The following PRELID2 variants were observed in gnomAD, a reference collection of about 807,000 sequenced individuals.
PRELID2 encodes PRELI domain-containing protein 2.
A neutral mutation model predicts 28.4 loss-of-function variants in PRELID2; 25 were observed. That is an observed-to-expected ratio of 0.88 (90% CI 0.64 to 1.23). The LOEUF is 1.23. Ranked by LOEUF, PRELID2 falls within the 50% of genes most tolerant of loss-of-function variation. The probability of loss-of-function intolerance (pLI) is 0.00; values close to 1 mark genes in which losing one functional copy is unlikely to be tolerated. For missense variants in PRELID2, 201 were observed against 214.4 expected, an observed-to-expected ratio of 0.94 and a Z score of 0.39; for synonymous variants, 76 against 71.6, an observed-to-expected ratio of 1.06 and a Z score of -0.31.
chr5:145,792,952 T>C (rs1241473697), intron 5 of PRELID2, among the ~76,000 whole-genome samples: 12 of 152,230 alleles, frequency 7.9e-5, no homozygotes, highest in Non-Finnish European at 5.9e-5. Context: ...TGATTTGTGC[T>C]GGGTCACAAA....
intron 1 of PRELID2, among the ~76,000 whole-genome samples, chr5:145,615,954 ATT>A (rs1753692666): frequency 6.6e-6 from 1 of 152,192 alleles, no homozygotes; most frequent in African/African-American, 2.4e-5. Flanking sequence ...TTACCTCAGC[ATT>A]TTGTTTGTCT....
the PRELID2 span, among the ~76,000 whole-genome samples, chr5:145,345,095 C>T: frequency 2.0e-5 from 3 of 152,080 alleles, no homozygotes; most frequent in South Asian, 6.2e-4. Flanking sequence ...TAAACAAATA[C>T]TCACCAATAT....
At chr5:145,584,649 G>GC (rs150590295) in intron 1 of PRELID2, among the ~76,000 whole-genome samples, 4,895 of 152,166 alleles carry the variant, frequency 0.032, 242 homozygotes, top group African/African-American at 0.11. Context: ...CTTCTCAAAA[G>GC]AAGACATTCA....
intron 4 of PRELID2, among the ~76,000 whole-genome samples, chr5:145,797,248 T>C (rs1388304039): frequency 6.6e-6 from 1 of 152,058 alleles, no homozygotes; most frequent in African/African-American, 2.4e-5. Context: ...TTAAGAACAA[T>C]ATACAAACCA....
intron 1 of PRELID2, among the ~76,000 whole-genome samples, chr5:145,619,534 G>A (rs1467150989): frequency 6.6e-6 from 1 of 152,192 alleles, no homozygotes; most frequent in Non-Finnish European, 1.5e-5. Context: ...CACAGTTTGG[G>A]CACTCACAGT....
At position 145,815,293 on chromosome 5, in the gene PRELID2, T is replaced by C. The variant is rs577995466; in HGVS notation, c.368+2601A>G. Among the ~76,000 whole-genome samples, 13 of 152,316 alleles carry C rather than the reference T, an allele frequency of 8.5e-5. No individual in the cohort carries two copies. The East Asian group carries it at 2.5e-3, about 29-fold the overall frequency. ...CTCCAGGTCTGTGAGAAATTAATGTTTACTGTGTAAACCACACAGTCTATG... is the reference window on the plus strand; with the variant it reads ...CTCCAGGTCTGTGAGAAATTAATGTCTACTGTGTAAACCACACAGTCTATG... On this transcript the variant is annotated intron_variant, in intron 4 of 6. Coordinates refer to ENST00000683046, the MANE Select transcript of PRELID2 (RefSeq NM_205846.3).
intron 1 of PRELID2, among the ~76,000 whole-genome samples, chr5:145,515,002 A>T (rs1752503954): frequency 6.6e-6 from 1 of 152,212 alleles, no homozygotes; most frequent in Non-Finnish European, 1.5e-5. Context: ...GACATAGCTG[A>T]AGCAGTGTTT....
rs1003338058 is a variant in PRELID2, at chr5:145,492,721, C to A, written n.71-19406G>T. Among the ~76,000 whole-genome samples, 2 of 141,108 alleles carry A rather than the reference C, an allele frequency of 1.4e-5. 1 individual carries two copies. Among genetic ancestry groups the A allele is most frequent in the Admixed American group, 1.4e-4 (2 of 14,018 alleles). The allele number at this position is 141,108 out of a possible 152,430, so 92.6% of individuals were successfully genotyped here. A position where few individuals can be genotyped will look rare whatever the true frequency, so the allele number is the denominator to read the frequency against. On this transcript the variant is annotated intron_variant and non_coding_transcript_variant, in intron 1 of 2. Coordinates refer to the PRELID2 transcript ENST00000510259. ...ATAGTGTGAGATAGGGTTCAGAAGT[C>A]TGGGCTGCTGGAGGGCTGCCTATAG...
chr5:145,278,985 G>A, the PRELID2 span, among the ~76,000 whole-genome samples: 2 of 152,144 alleles, frequency 1.3e-5, no homozygotes, highest in African/African-American at 2.4e-5. Flanking sequence ...CACTGCAGCA[G>A]TGTAACACGG....
At chr5:145,543,046 G>C (rs1752758122) in intron 1 of PRELID2, among the ~76,000 whole-genome samples, 1 of 152,020 alleles carries the variant, frequency 6.6e-6, no homozygotes, top group Non-Finnish European at 1.5e-5. Flanking sequence ...TTCCATTCAT[G>C]TTAGATTTCA....
intron 1 of PRELID2, among the ~76,000 whole-genome samples, chr5:145,479,497 A>G (rs988777196): frequency 8.5e-5 from 13 of 152,138 alleles, no homozygotes; most frequent in African/African-American, 2.9e-4. Flanking sequence ...GTGTGCTCAC[A>G]GCTTCCTGTC....
chr5:145,237,467 G>A, the PRELID2 span, among the ~76,000 whole-genome samples: 1 of 152,006 alleles, frequency 6.6e-6, no homozygotes, highest in Non-Finnish European at 1.5e-5. Flanking sequence ...GCTATGACAA[G>A]AATGTTTGTG....
At chr5:145,330,304 G>C in the PRELID2 span, among the ~76,000 whole-genome samples, 1 of 152,166 alleles carries the variant, frequency 6.6e-6, no homozygotes, top group South Asian at 2.1e-4. Flanking sequence ...AGTTAGGGAA[G>C]AGTTTCTCTT....
chr5:145,683,177 C>T (rs1754971469), intron 1 of PRELID2, among the ~76,000 whole-genome samples: 2 of 152,248 alleles, frequency 1.3e-5, no homozygotes, highest in Admixed American at 1.3e-4. Context: ...TTGTCCTTTA[C>T]TAGCTCTGTG....
chr5:145,788,232 T>C (rs748626788), intron 5 of PRELID2, among the ~76,000 whole-genome samples: 2 of 152,254 alleles, frequency 1.3e-5, no homozygotes, highest in Non-Finnish European at 2.9e-5. Context: ...TTCAGATCTT[T>C]ATCTTTTTGA....
intron 1 of PRELID2, among the ~76,000 whole-genome samples, chr5:145,597,267 C>T (rs1376073497): frequency 2.6e-5 from 4 of 152,034 alleles, no homozygotes; most frequent in East Asian, 3.8e-4. Flanking sequence ...CTATTTAGTG[C>T]CCGAATATTT....
intron 1 of PRELID2, among the ~76,000 whole-genome samples, chr5:145,503,187 G>A (rs1260381442): frequency 6.6e-6 from 1 of 152,040 alleles, no homozygotes; most frequent in East Asian, 1.9e-4. Flanking sequence ...GGGTCTGAAA[G>A]CTCCATGAGG....
At chr5:145,252,567 T>C in the PRELID2 span, among the ~76,000 whole-genome samples, 1 of 152,150 alleles carries the variant, frequency 6.6e-6, no homozygotes. Context: ...TAAATGTTTG[T>C]CTTTGTATTG....
chr5:145,791,738 C>T (rs560474719), intron 5 of PRELID2, among the ~76,000 whole-genome samples: 12 of 152,174 alleles, frequency 7.9e-5, no homozygotes, highest in African/African-American at 1.9e-4. Flanking sequence ...TTTTATGCTA[C>T]GTATATTTTG....
Sources: allele counts gnomAD v4.1 joint callset (sites outside exome capture counted in the v4.1 genomes callset), GRCh38; gene constraint gnomAD v4.1.1; transcripts MANE v1.5; gene names NCBI Gene and HGNC (gene_info 2026-07-23, HGNC 2026-07-21).